A2ML1: variants seen among roughly 807,000 people sequenced by gnomAD.
A2ML1 encodes the protein alpha-2-macroglobulin like 1.
A2ML1 carries 161 observed loss-of-function variants against 181.9 expected under a neutral mutation model. The observed-to-expected ratio is 0.89, with a 90% CI of 0.78 to 1.01. A2ML1 has a LOEUF of 1.01. A2ML1 is among the 50% of genes least tolerant of loss of function. A2ML1 has a pLI of 0.00. For synonymous variants in A2ML1, 663 were observed against 666.8 expected, an observed-to-expected ratio of 0.99 and a Z score of 0.09; for missense variants, 1,670 against 1,768.1, an observed-to-expected ratio of 0.94 and a Z score of 1.00.
intron 26 of A2ML1, among the ~76,000 whole-genome samples, chr12:8,860,609 T>A (rs1944222114): frequency 6.6e-6 from 1 of 152,076 alleles, no homozygotes; most frequent in Admixed American, 6.6e-5. Context: ...ACTCCTTCTC[T>A]TGGGTTTCTT....
At chr12:8,858,184 C>T (rs958051003) in intron 26 of A2ML1, 82 bp downstream of exon 26, 1 of 1,479,492 alleles carries the variant, frequency 6.8e-7, no homozygotes, top group Admixed American at 2.4e-5. Flanking sequence ...CAAAAGAGCA[C>T]TGGCCTGGGA....
downstream of A2ML1, chr12:8,887,088 G>C (rs1164714211): frequency 6.6e-6 from 1 of 151,842 alleles, no homozygotes; most frequent in Non-Finnish European, 1.5e-5. Flanking sequence ...AGCCCAGGAG[G>C]TCGAGCCAAG....
rs1373165395 is a variant in A2ML1 at position 8,846,091 on chromosome 12, TTC to T, written c.1561_1562del (p.Ser521ThrfsTer10). On this transcript the variant is annotated frameshift_variant, in exon 14 of 36. Coordinates refer to ENST00000299698, the MANE Select transcript of A2ML1 (RefSeq NM_144670.6). LOFTEE classifies it high-confidence loss of function. ...NSKKKGLKAS[F>X]SLSLTFTSRL... ...TTCTCTTTCAGGACTGAAAGCCTCC[TTC>T]TCTCTCTCACTGACCTTCACTTCGA... is the stretch of plus-strand genomic sequence containing the variant. 1.2e-6 allele frequency: 2 copies of T among 1,614,096 alleles called. No homozygotes were observed. Among genetic ancestry groups the T allele is most frequent in the Admixed American group, 3.3e-5 (2 of 60,010 alleles).
At chr12:8,850,079 C>G in intron 17 of A2ML1, 81 bp from the exon 18 acceptor site, 1 of 1,103,762 alleles carries the variant, frequency 9.1e-7, no homozygotes, top group Non-Finnish European at 1.3e-6. Flanking sequence ...AAATTTCTTT[C>G]TAGTAATCCC....
intron 29 of A2ML1, among the ~76,000 whole-genome samples, chr12:8,866,995 C>G (rs139050834): frequency 2.6e-3 from 400 of 152,276 alleles, no homozygotes; most frequent in African/African-American, 9.0e-3. Context: ...ACCATGCTCA[C>G]TTAGTGACAG....
chr12:8,842,499 G>A (rs776839079), intron 11 of A2ML1, among the ~76,000 whole-genome samples: 34 of 152,246 alleles, frequency 2.2e-4, no homozygotes, highest in East Asian at 5.8e-4. Flanking sequence ...GATTACAGGC[G>A]TGAGCCACCG....
downstream of A2ML1, chr12:8,887,120 A>G (rs1361800524): frequency 6.6e-6 from 1 of 152,114 alleles, no homozygotes; most frequent in African/African-American, 2.4e-5. Context: ...GCAGCACTCA[A>G]GCCTGGGCAA....
rs1009570029 is a variant in A2ML1 at position 8,858,198 on chromosome 12, A to G, written c.3264+96A>G. ...GCAAAAGAGCACTGGCCTGGGAATC[A>G]GTTTTCTCCTGATCTCCACTGTGGC... On this transcript the variant is annotated intron_variant, in intron 26 of 35. Transcript: ENST00000299698. 8.4e-6 allele frequency: 12 copies of G among 1,420,730 alleles called. 1 individual carries two copies. In the South Asian group the frequency reaches 1.7e-4, roughly 20 times the overall value. The allele number at this position is 1,420,730 out of a possible 1,614,324, so 88.0% of individuals were successfully genotyped here.
chr12:8,868,619 A>T lies in A2ML1; in HGVS notation c.4144A>T (p.Asn1382Tyr). ...LSGFSPMEGT[N>Y]QLLLQQPLVK... Reference sequence around the variant, plus strand: ...TGGGTTCAGTCCCATGGAGGGCACCAATCAGTTAGTAAGTTACTTCTGTTT... The same window carrying T: ...TGGGTTCAGTCCCATGGAGGGCACCTATCAGTTAGTAAGTTACTTCTGTTT... The change falls in exon 32 of 36, where the codon AAT (asparagine) becomes TAT (tyrosine). Residue 1382 changes from asparagine to tyrosine, a missense_variant. Transcript: ENST00000299698. The T allele has an allele frequency of 6.2e-7, 1 of 1,613,766 alleles. No individual in the cohort carries two copies. The highest frequency in any genetic ancestry group is 1.1e-5 in the South Asian group (1 of 91,022).
chr12:8,822,829 C>T, intron 1 of A2ML1, 116 bp downstream of exon 1: 4 of 927,396 alleles, frequency 4.3e-6, no homozygotes, highest in Non-Finnish European at 6.8e-6. Context: ...TTTCCTCCTC[C>T]TTTTTTCTCT....
At position 8,850,271 on chromosome 12, in the gene A2ML1, T is replaced by C. The variant is rs376655036; in HGVS notation, c.2231T>C (p.Ile744Thr). ...ACCTGGCTCTGGGATCTGTTTCCTA[T>C]TGGGTAAGTGATGACTCAAAAGTAC... ...PETWLWDLFP[I>T]GNSGKEAVHV... The change falls in exon 18 of 36, where the codon ATT becomes ACT. Residue 744 changes from isoleucine (I) to threonine (T), a missense_variant. Transcript: ENST00000299698. The C allele has an allele frequency of 6.1e-5, 98 of 1,609,650 alleles. No homozygotes were observed. Among genetic ancestry groups the C allele is most frequent in the Non-Finnish European group, 7.7e-5 (91 of 1,178,320 alleles).
At chr12:8,848,113 A>G (rs1943761290) in intron 15 of A2ML1, among the ~76,000 whole-genome samples, 1 of 150,368 alleles carries the variant, frequency 6.7e-6, no homozygotes, top group Non-Finnish European at 1.5e-5. Flanking sequence ...GGGCAACAAG[A>G]GCAAAACTCT....
At position 8,875,042 on chromosome 12, in the gene A2ML1, A is replaced by T. The variant is rs1030293422; in HGVS notation, c.*1+30A>T. On this transcript the variant is annotated intron_variant, in intron 35 of 35. Coordinates refer to ENST00000299698, the MANE Select transcript of A2ML1 (RefSeq NM_144670.6). Reference sequence around the variant, plus strand: ...GTCCAGCGGAGAAATGGGTGGAGTTATGGGTTAGGGTGGCAGAAGTTAAGA... The same window carrying T: ...GTCCAGCGGAGAAATGGGTGGAGTTTTGGGTTAGGGTGGCAGAAGTTAAGA... 5.6e-6 allele frequency: 9 copies of T among 1,611,522 alleles called. No individual in the cohort carries two copies. In the Admixed American group the frequency reaches 1.5e-4, roughly 27 times the overall value.
At chr12:8,837,149 A>G (rs1943307635) in intron 7 of A2ML1, among the ~76,000 whole-genome samples, 1 of 152,008 alleles carries the variant, frequency 6.6e-6, no homozygotes, top group Admixed American at 6.6e-5. Context: ...CTCCCGGAGA[A>G]GCTGGGATTA....
chr12:8,855,337 A>G (rs998344015), intron 22 of A2ML1, among the ~76,000 whole-genome samples, 172 bp from the exon 23 acceptor site: 6 of 152,166 alleles, frequency 3.9e-5, no homozygotes, highest in Non-Finnish European at 8.8e-5. Context: ...CTCTCTGTGG[A>G]ATTTATTTTC....
At chr12:8,863,262 A>T (rs2110076) in intron 28 of A2ML1, among the ~76,000 whole-genome samples, 54,366 of 151,848 alleles carry the variant, frequency 0.36, 11,378 homozygotes, top group East Asian at 0.79. Context: ...ACGCGCCACC[A>T]CGCCTGGCTA....
chr12:8,823,067 A>G (rs1470433755), intron 1 of A2ML1, 115 bp from the exon 2 acceptor site: 2 of 1,029,096 alleles, frequency 1.9e-6, no homozygotes, highest in Non-Finnish European at 2.9e-6. Flanking sequence ...TGCATAAGGA[A>G]GGCAGGGGCT....
At chr12:8,857,886 T>A in intron 25 of A2ML1, 60 bp from the exon 26 acceptor site, 2 of 1,585,856 alleles carry the variant, frequency 1.3e-6, no homozygotes, top group Non-Finnish European at 1.7e-6. Context: ...AATGAAGAAA[T>A]GATTGCACCC....
At chr12:8,871,688 T>C (rs914369794) in intron 33 of A2ML1, among the ~76,000 whole-genome samples, 2 of 152,172 alleles carry the variant, frequency 1.3e-5, no homozygotes, top group African/African-American at 4.8e-5. Context: ...TGAGACTACA[T>C]AATTAGATAT....
Sources: allele counts gnomAD v4.1 joint callset (sites outside exome capture counted in the v4.1 genomes callset), GRCh38; gene constraint gnomAD v4.1.1; transcripts MANE v1.5; gene names NCBI Gene and HGNC (gene_info 2026-07-23, HGNC 2026-07-21).